The following RGS6 variants were observed in gnomAD, a reference collection of about 807,000 sequenced individuals.
RGS6 encodes regulator of G protein signaling 6, also known as regulator of G-protein signaling 6.
In RGS6, 30 loss-of-function variants were observed where a neutral mutation model predicts 78.5. That is an observed-to-expected ratio of 0.38 (90% confidence interval 0.29 to 0.52). The LOEUF (loss-of-function observed/expected upper bound fraction) is 0.52, where lower values mean the gene tolerates loss of function less well. Ranked by LOEUF, RGS6 falls within the 20% of genes least tolerant of loss-of-function variation. The pLI is 0.85. For synonymous variants in RGS6, 206 were observed against 206.0 expected (o/e 1.00, Z 0.00); for missense variants, 495 against 609.7 (o/e 0.81, Z 1.98).
intron 2 of RGS6, among the ~76,000 whole-genome samples, chr14:72,338,774 A>G (rs77438019): frequency 6.6e-6 from 1 of 152,340 alleles, no homozygotes; most frequent in African/African-American, 2.4e-5. Flanking sequence ...GCTGCACAAA[A>G]GAAGGTCTAT....
Position 72,402,183 on chromosome 14 carries a change from A to T in RGS6, c.184+49989A>T, listed in dbSNP as rs115131487. On this transcript the variant is annotated intron_variant, in intron 3 of 17. Coordinates refer to ENST00000553525, the MANE Select transcript of RGS6 (RefSeq NM_001204424.2). Reference sequence around the variant, plus strand: ...AAGGCAAAGAGAGACCCATTGGTCCATTCCGTCCAAGATCTCTCTCAGGGC... The same window carrying T: ...AAGGCAAAGAGAGACCCATTGGTCCTTTCCGTCCAAGATCTCTCTCAGGGC... 2.3e-3 allele frequency among the ~76,000 whole-genome samples: 346 copies of T among 152,310 alleles called. 2 individuals carry two copies. Among genetic ancestry groups the T allele is most frequent in the African/African-American group, 8.0e-3 (332 of 41,582 alleles).
At chr14:72,502,063 C>T (rs1249159892) in intron 13 of RGS6, among the ~76,000 whole-genome samples, 4 of 152,164 alleles carry the variant, frequency 2.6e-5, no homozygotes, top group Non-Finnish European at 1.5e-5. Context: ...AGAGGGAGCA[C>T]CTTTTTCCCT....
chr14:72,498,188 T>C (rs1342189480), intron 13 of RGS6, among the ~76,000 whole-genome samples: 2 of 152,368 alleles, frequency 1.3e-5, no homozygotes, highest in Non-Finnish European at 2.9e-5. Flanking sequence ...CTCTGTTCTA[T>C]TGGTGTTTAT....
chr14:72,151,585 G>T (rs2096687806), intron 2 of RGS6, among the ~76,000 whole-genome samples: 1 of 152,144 alleles, frequency 6.6e-6, no homozygotes, highest in Non-Finnish European at 1.5e-5. Context: ...ATCTCTAGCT[G>T]TGTGCTTGGG....
chr14:72,541,566 C>T (rs767216415), intron 17 of RGS6: 73 of 1,535,596 alleles, frequency 4.8e-5, no homozygotes, highest in Non-Finnish European at 5.9e-5. Flanking sequence ...CTGCCACGGG[C>T]TGTCAGAGTC....
chr14:72,629,657 T>G, the RGS6 span: 1 of 1,536,050 alleles, frequency 6.5e-7, no homozygotes, highest in Non-Finnish European at 8.7e-7. Flanking sequence ...GGATACAGGA[T>G]TTGCACTCTA....
chr14:72,559,108 G>A (rs987186192), intron 17 of RGS6, among the ~76,000 whole-genome samples: 3 of 152,206 alleles, frequency 2.0e-5, no homozygotes, highest in Admixed American at 6.5e-5. Context: ...TTCTGAAGTG[G>A]TTCCTTCAGG....
In RGS6 at chr14:71,935,402, C is replaced by T. The variant is rs185724383; in HGVS notation, c.-21+2461C>T. ...CTAGTCAATTATTTCTACCCAGTCC[C>T]CCTCCCCCACACATTTTTATAAATA... On this transcript the variant is annotated intron_variant, in intron 1 of 17. Coordinates refer to ENST00000553525, the MANE Select transcript of RGS6 (RefSeq NM_001204424.2). Among the ~76,000 whole-genome samples the T allele has an allele frequency of 4.1e-4, 63 of 152,218 alleles. No homozygotes were observed. The Middle Eastern group carries it at 0.01, about 25-fold the overall frequency.
intron 3 of RGS6, among the ~76,000 whole-genome samples, chr14:72,377,991 A>T (rs975806298): frequency 8.5e-5 from 13 of 152,290 alleles, no homozygotes; most frequent in African/African-American, 2.9e-4. Flanking sequence ...CTCCAAAAAA[A>T]TATTGAAATT....
At chr14:72,200,960 T>C (rs935630850) in intron 2 of RGS6, among the ~76,000 whole-genome samples, 2 of 40,304 alleles carry the variant, frequency 5.0e-5, no homozygotes, top group African/African-American at 1.3e-4. Flanking sequence ...TGTGCTCTGC[T>C]TAAAAAAAAA....
intron 2 of RGS6, among the ~76,000 whole-genome samples, chr14:71,998,800 T>C (rs1566987935): frequency 6.6e-6 from 1 of 152,212 alleles, no homozygotes; most frequent in East Asian, 1.9e-4. Context: ...AGGGGTCTTA[T>C]TTTGTAAGGG....
intron 17 of RGS6, among the ~76,000 whole-genome samples, chr14:72,556,743 C>T (rs1239332580): frequency 6.6e-6 from 1 of 152,120 alleles, no homozygotes; most frequent in East Asian, 1.9e-4. Context: ...TTATTTTGAT[C>T]AAATTTATTA....
At chr14:72,387,297 C>T (rs2088441977) in intron 3 of RGS6, among the ~76,000 whole-genome samples, 1 of 152,226 alleles carries the variant, frequency 6.6e-6, no homozygotes, top group African/African-American at 2.4e-5. Flanking sequence ...CGCGCCTAAT[C>T]CCAGCACTTT....
At chr14:72,580,869 A>C in the RGS6 span, among the ~76,000 whole-genome samples, 1 of 152,194 alleles carries the variant, frequency 6.6e-6, no homozygotes, top group Non-Finnish European at 1.5e-5. Flanking sequence ...CCCTGCCTTC[A>C]ACCTGCTCTG....
At chr14:72,572,486 T>G in the RGS6 span, among the ~76,000 whole-genome samples, 1 of 152,212 alleles carries the variant, frequency 6.6e-6, no homozygotes, top group Non-Finnish European at 1.5e-5. Flanking sequence ...GAAGTATGGA[T>G]ACACATCACA....
At chr14:72,406,570 G>A (rs535138882) in intron 3 of RGS6, among the ~76,000 whole-genome samples, 4 of 152,294 alleles carry the variant, frequency 2.6e-5, no homozygotes, top group Non-Finnish European at 5.9e-5. Flanking sequence ...AGTAAAGGCT[G>A]GAAGTCAGGG....
chr14:72,139,100 G>A (rs1220957558), intron 2 of RGS6, among the ~76,000 whole-genome samples: 4 of 152,120 alleles, frequency 2.6e-5, no homozygotes, highest in Non-Finnish European at 4.4e-5. Flanking sequence ...TTGACCAATC[G>A]AATGCCTTCA....
intron 3 of RGS6, among the ~76,000 whole-genome samples, chr14:72,403,098 T>G (rs1596941691): frequency 6.6e-6 from 1 of 152,270 alleles, no homozygotes; most frequent in East Asian, 1.9e-4. Context: ...GCCCCATTAC[T>G]AGGCATTTAT....
chr14:72,600,133 C>A, the RGS6 span, among the ~76,000 whole-genome samples: 2 of 152,248 alleles, frequency 1.3e-5, no homozygotes, highest in East Asian at 3.9e-4. Context: ...CACATACACA[C>A]ACAGAGAGAG....
Sources: gnomAD v4.1 joint callset for allele counts (sites outside exome capture counted in the v4.1 genomes callset) on GRCh38, gnomAD v4.1.1 for gene constraint, MANE v1.5 for transcripts, NCBI Gene and HGNC (gene_info 2026-07-23, HGNC 2026-07-21) for gene names.